Variants in PDS5B observed in about 807,000 individuals in gnomAD.
The protein encoded by PDS5B is PDS5 cohesin associated factor B.
Under a neutral mutation model 184.1 loss-of-function variants are expected in PDS5B, and 51 were observed. The ratio of observed to expected loss-of-function variants is 0.28; its 90% confidence interval spans 0.22 to 0.35. The LOEUF (loss-of-function observed/expected upper bound fraction) is 0.35. Among genes scored for constraint, PDS5B ranks in the 10% least tolerant of loss-of-function variants. The pLI, the probability that PDS5B is intolerant of heterozygous loss-of-function variation, is 1.00. For missense variants in PDS5B, 1,180 were observed against 1,723.3 expected (o/e 0.68, Z 5.58); for synonymous variants, 566 against 569.2 (o/e 0.99, Z 0.08).
intron 19 of PDS5B, among the ~76,000 whole-genome samples, chr13:32,727,600 C>A (rs1005529822): frequency 1.3e-5 from 2 of 152,018 alleles, no homozygotes; most frequent in African/African-American, 4.8e-5. Context: ...CAGTGATTTT[C>A]ATTTAATGTT....
At chr13:32,765,585 G>T (rs1443998510) in intron 31 of PDS5B, among the ~76,000 whole-genome samples, 1 of 152,092 alleles carries the variant, frequency 6.6e-6, no homozygotes, top group African/African-American at 2.4e-5. Context: ...CATTTAGAAA[G>T]AATTATTCTT....
intron 10 of PDS5B, among the ~76,000 whole-genome samples, chr13:32,680,565 C>T (rs1046998468): frequency 6.6e-5 from 10 of 152,170 alleles, no homozygotes; most frequent in African/African-American, 1.4e-4. Context: ...TGCCCTCAAC[C>T]GTTTGGGGTC....
chr13:32,591,376 C>CA (rs1455124941), intron 1 of PDS5B, among the ~76,000 whole-genome samples: 1 of 152,134 alleles, frequency 6.6e-6, no homozygotes, highest in Non-Finnish European at 1.5e-5. Context: ...CTCGGCCTCC[C>CA]AAAGTGCTGA....
At chr13:32,740,339 A>G (rs900621964) in intron 21 of PDS5B, among the ~76,000 whole-genome samples, 6 of 152,040 alleles carry the variant, frequency 3.9e-5, no homozygotes, top group African/African-American at 1.4e-4. Context: ...CTTTTTCATT[A>G]TTTTTACTTC....
At chr13:32,721,524 C>A (rs1371433094) in intron 19 of PDS5B, among the ~76,000 whole-genome samples, 8 of 147,962 alleles carry the variant, frequency 5.4e-5, no homozygotes, top group African/African-American at 2.0e-4. Context: ...ACTTCCCAGA[C>A]GGGGTGGCGG....
At chr13:32,633,520 A>G (rs1330908906) in intron 1 of PDS5B, among the ~76,000 whole-genome samples, 2 of 152,234 alleles carry the variant, frequency 1.3e-5, no homozygotes, top group East Asian at 3.8e-4. Context: ...AATCAGTGAG[A>G]CTAGATTCAG....
At chr13:32,613,889 G>C (rs999690620) in intron 1 of PDS5B, among the ~76,000 whole-genome samples, 1 of 152,266 alleles carries the variant, frequency 6.6e-6, no homozygotes, top group Non-Finnish European at 1.5e-5. Flanking sequence ...TTAGGTCTTT[G>C]GTCTGTTTTG....
chr13:32,611,520 T>G (rs1348810747), intron 1 of PDS5B, among the ~76,000 whole-genome samples: 5 of 150,166 alleles, frequency 3.3e-5, no homozygotes, highest in Non-Finnish European at 7.4e-5. Flanking sequence ...TTTTTTTTTT[T>G]TTTTGGAGAC....
rs116751471 is a variant in PDS5B, at chr13:32,738,435, G to A, written c.2407-2645G>A. Among the ~76,000 whole-genome samples, 451 of 152,198 alleles carry A rather than the reference G, an allele frequency of 3.0e-3. 5 individuals are homozygous for A. Among genetic ancestry groups the A allele is most frequent in the African/African-American group, 0.011 (438 of 41,548 alleles). On this transcript the variant is annotated intron_variant, in intron 21 of 34. Transcript: ENST00000315596. ...TATAGTCCCAATGTGCATTTCTGTG[G>A]TTACTAATTAAGTTTGTGTGTCTAG...
intron 1 of PDS5B, among the ~76,000 whole-genome samples, chr13:32,608,999 A>G (rs914918660): frequency 1.3e-5 from 2 of 152,216 alleles, no homozygotes; most frequent in Admixed American, 6.5e-5. Context: ...ATTCATGGAA[A>G]AGAATTTAGA....
chr13:32,608,110 C>G (rs1429859344), intron 1 of PDS5B, among the ~76,000 whole-genome samples: 1 of 152,154 alleles, frequency 6.6e-6, no homozygotes, highest in Admixed American at 6.5e-5. Flanking sequence ...CAGAAATCAC[C>G]CGTGTTCTGC....
chr13:32,591,052 T>C (rs187305867), intron 1 of PDS5B, among the ~76,000 whole-genome samples: 96 of 152,156 alleles, frequency 6.3e-4, no homozygotes, highest in Non-Finnish European at 7.4e-5. Context: ...TTCTTAAAAG[T>C]TTACTTTAAA....
rs1951454201 is a variant in PDS5B at position 32,688,379 on chromosome 13, C to T, written c.1356-77C>T. On this transcript the variant is annotated intron_variant, in intron 12 of 34. Coordinates refer to ENST00000315596, the MANE Select transcript of PDS5B (RefSeq NM_015032.4). ...GAACTTCTTTAATATATGTTCTTTA[C>T]ATAGTTTTAGAATTTTATATACAAC... 6 of 699,878 alleles carry T rather than the reference C, an allele frequency of 8.6e-6. No individual in the cohort carries two copies. The East Asian group carries it at 1.6e-4, about 19-fold the overall frequency. The allele number at this position is 699,878 out of a possible 1,614,324, so 43.4% of individuals were successfully genotyped here. A position where few individuals can be genotyped will look rare whatever the true frequency, so the allele number is the denominator to read the frequency against.
At chr13:32,773,080 C>A in intron 33 of PDS5B, 109 bp from the exon 34 acceptor site, 1 of 838,834 alleles carries the variant, frequency 1.2e-6, no homozygotes, top group Non-Finnish European at 1.8e-6. Context: ...CATAAAGTAA[C>A]TGAGGGTAAA....
chr13:32,752,307 A>T lies in PDS5B; in HGVS notation c.2737-1025A>T, dbSNP rs550334238. The stretch of plus-strand genomic sequence containing the variant: ...ATTAAACTTTATCATAGGTATCTAT[A>T]TATAGAAAAACGCGTAATATATATA... On this transcript the variant is annotated intron_variant, in intron 24 of 34. Transcript: ENST00000315596. Among the ~76,000 whole-genome samples, 11 of 152,290 alleles carry T rather than the reference A, an allele frequency of 7.2e-5. 1 individual carries two copies. The East Asian group carries it at 1.9e-3, about 27-fold the overall frequency.
chr13:32,608,970 C>T (rs140277357), intron 1 of PDS5B, among the ~76,000 whole-genome samples: 31 of 152,224 alleles, frequency 2.0e-4, no homozygotes, highest in African/African-American at 6.0e-4. Flanking sequence ...TCTTTTGAGG[C>T]GAACCCTAAC....
At position 32,732,085 on chromosome 13, in the gene PDS5B, G is replaced by T; in HGVS notation, c.2124-16G>T. The T allele has an allele frequency of 6.3e-7, 1 of 1,585,810 alleles. No homozygotes were observed. Among genetic ancestry groups the T allele is most frequent in the South Asian group, 1.2e-5 (1 of 86,846 alleles). On this transcript the variant is annotated splice_polypyrimidine_tract_variant and intron_variant, in intron 19 of 34. Transcript: ENST00000315596. ...TTTTTCTGGTTTATTGTTTTTCTTT[G>T]ATTTTTTTTTAATAGAGCCTTGCTT...
chr13:32,613,397 ACTT>A (rs1363253834), intron 1 of PDS5B, among the ~76,000 whole-genome samples: 1 of 152,132 alleles, frequency 6.6e-6, no homozygotes, highest in Non-Finnish European at 1.5e-5. Flanking sequence ...TTTTGCCCAT[ACTT>A]CTTATTGTCT....
Position 32,775,023 on chromosome 13 carries a change from C to T in PDS5B, c.4315C>T (p.Arg1439Trp), listed in dbSNP as rs200436799. The change falls in exon 35 of 35, where the codon CGG becomes TGG. Residue 1439 changes from arginine to tryptophan, a missense_variant. Coordinates refer to ENST00000315596, the MANE Select transcript of PDS5B (RefSeq NM_015032.4). ...TGGTGACTTTCCTTTTAAGGTACGG[C>T]GGCGAAGTGCTAAAAGGGAACGGCG... is the stretch of plus-strand genomic sequence containing the variant. ...EEEVSTVNVR[R>W]RSAKRERR is the part of the protein sequence containing the mutation. 1.7e-5 allele frequency: 27 copies of T among 1,609,556 alleles called. No homozygotes were observed. Among genetic ancestry groups the T allele is most frequent in the African/African-American group, 4.0e-5 (3 of 74,328 alleles).
Sources: gnomAD v4.1 joint callset for allele counts (sites outside exome capture counted in the v4.1 genomes callset) on GRCh38, gnomAD v4.1.1 for gene constraint, MANE v1.5 for transcripts, NCBI Gene and HGNC (gene_info 2026-07-23, HGNC 2026-07-21) for gene names.